BIN1: variants seen among roughly 807,000 people sequenced by gnomAD.
BIN1 encodes bridging integrator 1, also known as myc box-dependent-interacting protein 1.
BIN1 carries 53 observed loss-of-function variants against 82.0 expected under a neutral mutation model. The observed-to-expected ratio is 0.65, with a 90% CI of 0.52 to 0.81. The LOEUF is 0.81. BIN1 is among the 40% of genes least tolerant of loss of function. BIN1 has a pLI of 0.00. For synonymous variants in BIN1, 302 were observed against 328.0 expected (o/e 0.92, Z 0.86); for missense variants, 642 against 784.4 (o/e 0.82, Z 2.17).
chr2:127,060,306 A>G (rs1288756909), intron 10 of BIN1, among the ~76,000 whole-genome samples: 1 of 152,194 alleles, frequency 6.6e-6, no homozygotes, highest in African/African-American at 2.4e-5. Flanking sequence ...CCTCCTTCCC[A>G]GCCACGTCCT....
chr2:127,081,498 G>A (rs912736885), intron 1 of BIN1, among the ~76,000 whole-genome samples: 3 of 152,078 alleles, frequency 2.0e-5, no homozygotes, highest in Admixed American at 1.3e-4. Context: ...CTGCACTTGC[G>A]GGACACACAC....
chr2:127,089,340 T>C (rs1230883092), intron 1 of BIN1, among the ~76,000 whole-genome samples: 1 of 152,122 alleles, frequency 6.6e-6, no homozygotes, highest in Non-Finnish European at 1.5e-5. Context: ...TTTTGCAGCC[T>C]GCAAAGCTCC....
intron 1 of BIN1, among the ~76,000 whole-genome samples, chr2:127,091,475 C>T (rs1678914905): frequency 6.6e-6 from 1 of 152,232 alleles, no homozygotes; most frequent in Non-Finnish European, 1.5e-5. Context: ...GGACCTACTT[C>T]GAGTCCAAGG....
chr2:127,073,921 G>A (rs1204696273), intron 2 of BIN1, among the ~76,000 whole-genome samples: 1 of 152,184 alleles, frequency 6.6e-6, no homozygotes, highest in Admixed American at 6.5e-5. Context: ...CAGAGCAGGG[G>A]CAGAAGGCAG....
At position 127,057,616 on chromosome 2, in the gene BIN1, C is replaced by T. The variant is rs149290511; in HGVS notation, c.1003-15G>A. 341 of 1,508,376 alleles carry T rather than the reference C, an allele frequency of 2.3e-4. 1 individual carries two copies. In the African/African-American group the frequency reaches 3.7e-3, roughly 16 times the overall value. 93.4% of individuals were successfully genotyped at this position (1,508,376 alleles called of 1,614,324 possible). A position where few individuals can be genotyped will look rare whatever the true frequency, so the allele number is the denominator to read the frequency against. On this transcript the variant is annotated splice_polypyrimidine_tract_variant and intron_variant, in intron 11 of 18. Transcript: ENST00000316724. This position sits in a 1 kb window ranked among gnomAD's most constrained non-coding sequence, Gnocchi z 5.0. ...CCTTTCCGGAGCTGTGGGTCGGCGG[C>T]GGGTGAGGGGCCGCGCGGGAAGGCA...
At chr2:127,074,048 G>T (rs1177261238) in intron 2 of BIN1, among the ~76,000 whole-genome samples, 1 of 152,072 alleles carries the variant, frequency 6.6e-6, no homozygotes, top group Non-Finnish European at 1.5e-5. Context: ...CACCCCATAA[G>T]AAGGGGTGGG....
chr2:127,104,069 C>T (rs767507361), intron 1 of BIN1, among the ~76,000 whole-genome samples: 1 of 152,232 alleles, frequency 6.6e-6, no homozygotes, highest in Non-Finnish European at 1.5e-5. Context: ...ACACATGCAC[C>T]CTGCCTGAGA....
chr2:127,097,815 C>A (rs1270901502), intron 1 of BIN1, among the ~76,000 whole-genome samples: 1 of 152,232 alleles, frequency 6.6e-6, no homozygotes, highest in Non-Finnish European at 1.5e-5. Context: ...ACAGCCCAGG[C>A]CCAGCCTCTG....
At position 127,093,054 on chromosome 2, in the gene BIN1, T is replaced by C. The variant is rs2105290112; in HGVS notation, c.84+13806A>G. ...CACAGCCTGGGGGCCCCCCCACAGA[T>C]GCCAGGTCAGCCCCCAGCCACCCCC... On this transcript the variant is annotated intron_variant, in intron 1 of 18. Transcript: ENST00000316724. The surrounding 1 kb of genome is among the most constrained non-coding windows in gnomAD (Gnocchi z 5.7). Among the ~76,000 whole-genome samples, 1 of 150,416 alleles carries C rather than the reference T, an allele frequency of 6.6e-6. No homozygotes were observed. The highest frequency in any genetic ancestry group is 1.5e-5 in the Non-Finnish European group (1 of 67,788).
chr2:127,053,532 C>A, intron 13 of BIN1, 87 bp from the exon 14 acceptor site: 1 of 1,541,482 alleles, frequency 6.5e-7, no homozygotes. Context: ...CCTACCCCCG[C>A]TCGCCCCAGG....
intron 18 of BIN1, among the ~76,000 whole-genome samples, chr2:127,049,050 C>G (rs928983563): frequency 6.6e-6 from 1 of 152,266 alleles, no homozygotes; most frequent in African/African-American, 2.4e-5. Flanking sequence ...TGCTTCAATC[C>G]TGACACCCGC....
chr2:127,097,253 T>G (rs941704958), intron 1 of BIN1, among the ~76,000 whole-genome samples: 2 of 152,066 alleles, frequency 1.3e-5, no homozygotes, highest in African/African-American at 4.8e-5. Flanking sequence ...GATCCACTGA[T>G]AGACCTCCCA....
chr2:127,071,887 T>C (rs779413854), intron 2 of BIN1, among the ~76,000 whole-genome samples: 78 of 152,342 alleles, frequency 5.1e-4, no homozygotes, highest in Admixed American at 2.1e-3. Context: ...GGCCAGGCCC[T>C]GGAGCTTGAA....
intron 1 of BIN1, chr2:127,081,972 C>A: frequency 1.9e-6 from 2 of 1,072,194 alleles, no homozygotes; most frequent in Middle Eastern, 5.3e-4. Flanking sequence ...CCGGCGTTCT[C>A]ACACCGAGGC....
intron 2 of BIN1, 85 bp downstream of exon 2, chr2:127,076,541 A>T: frequency 6.7e-7 from 1 of 1,482,448 alleles, no homozygotes; most frequent in East Asian, 2.3e-5. Flanking sequence ...AAGCTCTCGT[A>T]CTCCACAAAT....
chr2:127,084,216 G>A (rs1001096768), intron 1 of BIN1, among the ~76,000 whole-genome samples: 1 of 152,190 alleles, frequency 6.6e-6, no homozygotes, highest in African/African-American at 2.4e-5. Flanking sequence ...TATGCGCAGT[G>A]AAGTCTGAGA....
chr2:127,107,019 A>T lies in BIN1; in HGVS notation c.-76T>A. On this transcript the variant is annotated 5_prime_UTR_variant, in exon 1 of 19. Coordinates refer to ENST00000316724, the MANE Select transcript of BIN1 (RefSeq NM_139343.3). The surrounding 1 kb of genome is among the most constrained non-coding windows in gnomAD (Gnocchi z 5.9). ...CTTGCGCGCCGCGCTCCCAGCCCCC[A>T]GCCCCGGCCGCGCGTCCAGACCGGC... is the stretch of plus-strand genomic sequence containing the variant. 1 of 1,422,480 alleles carries T rather than the reference A, an allele frequency of 7.0e-7. No individual in the cohort carries two copies. The highest frequency in any genetic ancestry group is 9.2e-7 in the Non-Finnish European group (1 of 1,085,288). The allele number at this position is 1,422,480 out of a possible 1,614,324, so 88.1% of individuals were successfully genotyped here. A position where few individuals can be genotyped will look rare whatever the true frequency, so the allele number is the denominator to read the frequency against.
Position 127,057,442 on chromosome 2 carries a change from G to A in BIN1, c.1131+31C>T. ...CACGCCCTGAGAGGGCAGGAAGAGA[G>A]GAGAGCTGGGCCGCGGCGGCCGCGG... On this transcript the variant is annotated intron_variant, in intron 12 of 18. Transcript: ENST00000316724. The surrounding 1 kb of genome is among the most constrained non-coding windows in gnomAD (Gnocchi z 5.0). The A allele has an allele frequency of 1.3e-6, 2 of 1,537,006 alleles. No homozygotes were observed. Among genetic ancestry groups the A allele is most frequent in the Non-Finnish European group, 8.8e-7 (1 of 1,139,650 alleles).
rs1455221709 is a variant in BIN1 at position 127,068,156 on chromosome 2, G to A, written c.612+7C>T. The A allele has an allele frequency of 2.5e-6, 4 of 1,612,728 alleles. No individual in the cohort carries two copies. Among genetic ancestry groups the A allele is most frequent in the Non-Finnish European group, 3.4e-6 (4 of 1,179,368 alleles). On this transcript the variant is annotated splice_region_variant and intron_variant, in intron 7 of 18. Coordinates refer to ENST00000316724, the MANE Select transcript of BIN1 (RefSeq NM_139343.3). The surrounding 1 kb of genome is among the most constrained non-coding windows in gnomAD (Gnocchi z 4.9). Reference sequence around the variant, plus strand: ...CCAGCACGTGCAAGGTTAGAAGCCAGTGTCACCTGATTTCGGAGCAGGTTA... The same window carrying A: ...CCAGCACGTGCAAGGTTAGAAGCCAATGTCACCTGATTTCGGAGCAGGTTA...
Sources: allele counts gnomAD v4.1 joint callset (sites outside exome capture counted in the v4.1 genomes callset), GRCh38; gene constraint gnomAD v4.1.1; non-coding constraint Gnocchi (gnomAD v3.1); transcripts MANE v1.5; gene names NCBI Gene and HGNC (gene_info 2026-07-23, HGNC 2026-07-21).